Variants in BPNT1 observed in about 807,000 individuals in gnomAD.
The protein encoded by BPNT1 is 3'(2'),5'-bisphosphate nucleotidase 1.
BPNT1 carries 28 observed loss-of-function variants against 36.9 expected under a neutral mutation model. That is an observed-to-expected ratio of 0.76 (90% confidence interval 0.56 to 1.04). The LOEUF (loss-of-function observed/expected upper bound fraction) is 1.04, where lower values mean the gene tolerates loss of function less well. Ranked by LOEUF, BPNT1 falls within the 50% of genes least tolerant of loss-of-function variation. BPNT1 has a pLI of 0.00. For synonymous variants in BPNT1, 119 were observed against 130.9 expected, an observed-to-expected ratio of 0.91 and a Z score of 0.62; for missense variants, 313 against 372.9, an observed-to-expected ratio of 0.84 and a Z score of 1.32.
At chr1:220,074,802 C>G (rs762772739) in intron 2 of BPNT1, among the ~76,000 whole-genome samples, 2 of 151,978 alleles carry the variant, frequency 1.3e-5, no homozygotes, top group Admixed American at 1.3e-4. Context: ...CCTAAGAAAT[C>G]CTGTTTCTAA....
At chr1:220,062,211 T>C (rs1438345316) in intron 7 of BPNT1, among the ~76,000 whole-genome samples, 1 of 151,656 alleles carries the variant, frequency 6.6e-6, no homozygotes, top group Non-Finnish European at 1.5e-5. Context: ...GTTACATATG[T>C]ATACATGTGC....
At chr1:220,089,325 G>A (rs1656090983) in intron 1 of BPNT1, among the ~76,000 whole-genome samples, 1 of 152,062 alleles carries the variant, frequency 6.6e-6, no homozygotes, top group African/African-American at 2.4e-5. Context: ...TATATTTACA[G>A]AGAAATCCAA....
At chr1:220,071,151 T>C (rs1009600201) in intron 4 of BPNT1, among the ~76,000 whole-genome samples, 1 of 151,996 alleles carries the variant, frequency 6.6e-6, no homozygotes, top group Admixed American at 6.5e-5. Context: ...TGAGCCACCA[T>C]GCCCAGCCCC....
At chr1:220,083,191 C>T (rs1246307603) in intron 1 of BPNT1, among the ~76,000 whole-genome samples, 1 of 143,308 alleles carries the variant, frequency 7.0e-6, no homozygotes, top group Non-Finnish European at 1.5e-5. Flanking sequence ...GGGCCGAGAT[C>T]GTGCCAGTGC....
At chr1:220,069,244 T>C (rs1663824678) in intron 5 of BPNT1, 140 bp downstream of exon 5, 3 of 583,072 alleles carry the variant, frequency 5.1e-6, no homozygotes, top group Non-Finnish European at 8.6e-6. Context: ...ATGATAACCA[T>C]GAGCACAAAT....
chr1:220,066,166 AATT>A, intron 6 of BPNT1: 3 of 1,363,486 alleles, frequency 2.2e-6, no homozygotes, highest in African/African-American at 1.4e-5. Context: ...AAGTGGTGAA[AATT>A]ATTAACTCCT....
chr1:220,061,751 A>T (rs1663057811), intron 7 of BPNT1, among the ~76,000 whole-genome samples: 1 of 152,068 alleles, frequency 6.6e-6, no homozygotes, highest in Non-Finnish European at 1.5e-5. Context: ...GCTAAATTTG[A>T]GATACCTGAG....
At chr1:220,082,079 T>TAGAGAG (rs1262791343) in intron 1 of BPNT1, among the ~76,000 whole-genome samples, 6 of 110,540 alleles carry the variant, frequency 5.4e-5, no homozygotes, top group African/African-American at 1.3e-4. Flanking sequence ...TATATATATA[T>TAGAGAG]ATATATAGAG....
In BPNT1 at chr1:220,067,347, TC is replaced by T; in HGVS notation, c.428del (p.Gly143GlufsTer4). 2 of 1,610,892 alleles carry T rather than the reference TC, an allele frequency of 1.2e-6. No individual in the cohort carries two copies. Among genetic ancestry groups the T allele is most frequent in the Non-Finnish European group, 1.7e-6 (2 of 1,178,190 alleles). Reference protein sequence around the residue: ...VTVLIGIAYEGKAIAGVINQP... With the variant: ...VTVLIGIAYEXKAIAGVINQP... ...GGTTAATAACTCCTGCTATGGCTTT[TC>T]CTTCATAAGCAATTCCAATAAGAAC... On this transcript the variant is annotated frameshift_variant, in exon 6 of 9. Transcript: ENST00000322067. LOFTEE classifies it high-confidence loss of function.
At chr1:220,071,591 G>A (rs1664063556) in intron 4 of BPNT1, among the ~76,000 whole-genome samples, 1 of 152,178 alleles carries the variant, frequency 6.6e-6, no homozygotes, top group African/African-American at 2.4e-5. Flanking sequence ...AAAACTTAAT[G>A]CAAAGCAAGA....
chr1:220,062,838 G>C lies in BPNT1; in HGVS notation c.591C>G (p.Ser197=). 6.2e-7 allele frequency: 1 copy of C among 1,614,130 alleles called. No individual in the cohort carries two copies. Among genetic ancestry groups the C allele is most frequent in the Non-Finnish European group, 8.5e-7 (1 of 1,180,022 alleles). The part of the protein sequence containing the change: ...AGKHIITTTR[S]HSNKLVTDCV... ...AGTCAGTAACCAACTTGTTGCTATG[G>C]GATCGAGTAGTTGTGATAATGTGTT... The change falls in exon 7 of 9, where the codon TCC becomes TCG. Residue 197 remains serine (S), a synonymous_variant. Transcript: ENST00000322067.
At chr1:220,088,523 CACACCCGTA>C (rs1389333700) in intron 1 of BPNT1, among the ~76,000 whole-genome samples, 4 of 149,276 alleles carry the variant, frequency 2.7e-5, no homozygotes, top group Middle Eastern at 3.3e-3. Context: ...TGCAGTGGCT[CACACCCGTA>C]ATCCTAGAAC....
intron 7 of BPNT1, among the ~76,000 whole-genome samples, chr1:220,062,039 TAA>T (rs879746935): frequency 4.4e-5 from 6 of 137,514 alleles, no homozygotes; most frequent in Admixed American, 7.3e-5. Flanking sequence ...CTCTCTCAGA[TAA>T]AAAAAAAAAA....
At chr1:220,075,066 C>T (rs553360706) in intron 2 of BPNT1, among the ~76,000 whole-genome samples, 81 of 152,200 alleles carry the variant, frequency 5.3e-4, no homozygotes, top group Non-Finnish European at 7.9e-4. Context: ...TGTTTTGAGA[C>T]GGAGTCTCAC....
At position 220,079,944 on chromosome 1, in the gene BPNT1, A is replaced by G. The variant is rs1031742486; in HGVS notation, c.-8-90T>C. 8 of 1,340,658 alleles carry G rather than the reference A, an allele frequency of 6.0e-6. No homozygotes were observed. In the African/African-American group the frequency reaches 1.2e-4, roughly 20 times the overall value. The allele number at this position is 1,340,658 out of a possible 1,614,324, so 83.0% of individuals were successfully genotyped here. A position where few individuals can be genotyped will look rare whatever the true frequency, so the allele number is the denominator to read the frequency against. Reference sequence around the variant, plus strand: ...AATCCAACTCAACACATATTAATTGAGTGCTAACTTGGGATTGCTCCCATT... The same window carrying G: ...AATCCAACTCAACACATATTAATTGGGTGCTAACTTGGGATTGCTCCCATT... On this transcript the variant is annotated intron_variant, in intron 1 of 8. Transcript: ENST00000322067.
chr1:220,076,891 T>C (rs905102035), intron 2 of BPNT1, among the ~76,000 whole-genome samples: 3 of 152,164 alleles, frequency 2.0e-5, no homozygotes, highest in Admixed American at 1.3e-4. Flanking sequence ...TTATATCCTG[T>C]TGGATTTGGT....
chr1:220,072,905 T>A lies in BPNT1; in HGVS notation c.278A>T (p.Glu93Val). The A allele has an allele frequency of 6.2e-7, 1 of 1,614,182 alleles. No individual in the cohort carries two copies. Among genetic ancestry groups the A allele is most frequent in the East Asian group, 2.2e-5 (1 of 44,870 alleles). ...DQELIEDSQW[E>V]EILKQPCPSQ... ...TGGGCATGGTTGCTTCAGTATTTCT[T>A]CCCACTGACTGTCTTCAATCAGCTC... Residue 93 changes from glutamate (E) to valine (V), a missense_variant, in exon 4 of 9, where the codon GAA becomes GTA. Coordinates refer to ENST00000322067, the MANE Select transcript of BPNT1 (RefSeq NM_006085.6).
intron 6 of BPNT1, among the ~76,000 whole-genome samples, chr1:220,065,151 A>G (rs1663424759): frequency 1.3e-5 from 2 of 152,208 alleles, no homozygotes; most frequent in Admixed American, 1.3e-4. Context: ...ATTCTGGAAA[A>G]AAATAAAGGA....
rs1663495218 is a variant in BPNT1, at chr1:220,065,952, GA to G, written c.474+1349del. On this transcript the variant is annotated intron_variant, in intron 6 of 8. Transcript: ENST00000322067. The stretch of plus-strand genomic sequence containing the variant: ...GTGGTACAGAGAGAGGTAATGAAGA[GA>G]AGCAGAACTGGAGAAAATGAACTGG... The G allele has an allele frequency of 8.8e-6, 5 of 566,114 alleles. 1 individual carries two copies. The South Asian group carries it at 1.5e-4, about 17-fold the overall frequency. 35.1% of individuals were successfully genotyped at this position (566,114 alleles called of 1,614,324 possible). A position where few individuals can be genotyped will look rare whatever the true frequency, so the allele number is the denominator to read the frequency against.
Sources: gnomAD v4.1 joint callset for allele counts (sites outside exome capture counted in the v4.1 genomes callset) on GRCh38, gnomAD v4.1.1 for gene constraint, MANE v1.5 for transcripts, NCBI Gene and HGNC (gene_info 2026-07-23, HGNC 2026-07-21) for gene names.